The following NCOR2 variants were observed in gnomAD, a reference collection of about 807,000 sequenced individuals.
NCOR2 encodes the protein CTG repeat protein 26.
In NCOR2, 81 loss-of-function variants were observed where a neutral mutation model predicts 262.9. The ratio of observed to expected loss-of-function variants is 0.31; its 90% confidence interval spans 0.26 to 0.37. The LOEUF is 0.37. NCOR2 is among the 10% of genes least tolerant of loss of function. NCOR2 has a pLI of 1.00. For synonymous variants in NCOR2, 1,659 were observed against 1,559.3 expected (o/e 1.06, Z -1.51); for missense variants, 3,385 against 3,621.4 (o/e 0.93, Z 1.68).
At chr12:124,412,720 C>T (rs564802768) in intron 13 of NCOR2, among the ~76,000 whole-genome samples, 3 of 152,354 alleles carry the variant, frequency 2.0e-5, no homozygotes, top group East Asian at 1.9e-4. Context: ...CCCCCAGCAC[C>T]GAGGTTCTCA....
At chr12:124,528,914 T>C (rs1291668339) in intron 1 of NCOR2, among the ~76,000 whole-genome samples, 3 of 152,316 alleles carry the variant, frequency 2.0e-5, no homozygotes, top group African/African-American at 7.2e-5. Context: ...GCGCGGTGGC[T>C]CACGCCTGTA....
intron 17 of NCOR2, among the ~76,000 whole-genome samples, chr12:124,384,392 C>G (rs1451336878): frequency 6.6e-6 from 1 of 152,226 alleles, no homozygotes; most frequent in African/African-American, 2.4e-5. Context: ...GCCCTGAGCT[C>G]TGGGGACAAA....
chr12:124,374,562 C>A lies in NCOR2; in HGVS notation c.2168-99G>T. 4 of 1,153,750 alleles carry A rather than the reference C, an allele frequency of 3.5e-6. No individual in the cohort carries two copies. In the South Asian group the frequency reaches 5.3e-5, roughly 15 times the overall value. The allele number at this position is 1,153,750 out of a possible 1,614,324, so 71.5% of individuals were successfully genotyped here. On this transcript the variant is annotated intron_variant, in intron 18 of 46. Transcript: ENST00000405201. The stretch of plus-strand genomic sequence containing the variant: ...GCCAAGAGGGGCCTGAAGCCCAGTG[C>A]ACAGCAGTGAGGCCTCGCTGCTGCT...
chr12:124,483,886 C>T lies in NCOR2; in HGVS notation c.234-113G>A, dbSNP rs982559206. On this transcript the variant is annotated intron_variant, in intron 2 of 46. Coordinates refer to ENST00000405201, the Ensembl canonical transcript of NCOR2. The surrounding 1 kb of genome is among the most constrained non-coding windows in gnomAD (Gnocchi z 6.3). Reference sequence around the variant, plus strand: ...TACTGCGCGCCGTGCTCTGTATGATCCTGCCAGGAAGGTGCTCACAGGAGC... The same window carrying T: ...TACTGCGCGCCGTGCTCTGTATGATTCTGCCAGGAAGGTGCTCACAGGAGC... 1 of 1,287,002 alleles carries T rather than the reference C, an allele frequency of 7.8e-7. No individual in the cohort carries two copies. The highest frequency in any genetic ancestry group is 1.5e-5 in the African/African-American group (1 of 65,716). The allele number at this position is 1,287,002 out of a possible 1,614,324, so 79.7% of individuals were successfully genotyped here. A position where few individuals can be genotyped will look rare whatever the true frequency, so the allele number is the denominator to read the frequency against.
rs1277755189 is a variant in NCOR2, at chr12:124,457,151, T to C, written c.717A>G (p.Glu239=). The C allele has an allele frequency of 2.6e-6, 4 of 1,519,056 alleles. No homozygotes were observed. Among genetic ancestry groups the C allele is most frequent in the Middle Eastern group, 1.8e-4 (1 of 5,680 alleles). 94.1% of individuals were successfully genotyped at this position (1,519,056 alleles called of 1,614,324 possible). The change falls in exon 6 of 47, where the codon GAA becomes GAG. Residue 239 remains glutamate (E), a synonymous_variant. Coordinates refer to ENST00000405201, the Ensembl canonical transcript of NCOR2. This position sits in a 1 kb window ranked among gnomAD's most constrained non-coding sequence, Gnocchi z 4.0. ...GGCCTTCCAGAATCCGATGTGCAGC[T>C]TCAGCCTTCTTCTGCAGGGTGATGG...
At chr12:124,340,187 C>CGCTGCTGCG (rs757631453) in exon 37 of NCOR2, 1 of 1,609,366 alleles carries the variant, frequency 6.2e-7, no homozygotes, top group Non-Finnish European at 8.5e-7. Context: ...CCGCTGCTGC[C>CGCTGCTGCG]GCTGCTCTGC....
At chr12:124,556,697 T>C (rs1244671172) in intron 1 of NCOR2, among the ~76,000 whole-genome samples, 1 of 152,036 alleles carries the variant, frequency 6.6e-6, no homozygotes, top group Non-Finnish European at 1.5e-5. Context: ...CCATCTCTAC[T>C]AAAAATACAA....
upstream of NCOR2, chr12:124,535,626 C>T (rs1368022028): frequency 7.9e-5 from 12 of 152,340 alleles, no homozygotes; most frequent in African/African-American, 2.6e-4. Context: ...GGACAAAACA[C>T]GGGTTTTGTT....
intron 12 of NCOR2, among the ~76,000 whole-genome samples, chr12:124,421,709 C>T (rs1441170799): frequency 1.3e-5 from 2 of 152,228 alleles, no homozygotes; most frequent in Non-Finnish European, 2.9e-5. Context: ...GCTTAAGACA[C>T]ACGGACGGCA....
chr12:124,340,058 C>T, exon 37 of NCOR2: 1 of 1,613,014 alleles, frequency 6.2e-7, no homozygotes, highest in East Asian at 2.2e-5. Flanking sequence ...CCCTTCATGC[C>T]TGTGTTGTGA....
At chr12:124,450,798 T>C (rs2045475515) in intron 6 of NCOR2, among the ~76,000 whole-genome samples, 1 of 152,246 alleles carries the variant, frequency 6.6e-6, no homozygotes, top group Admixed American at 6.5e-5. Context: ...AAGTCCCGGT[T>C]CTGATACTTT....
intron 16 of NCOR2, among the ~76,000 whole-genome samples, chr12:124,393,204 T>A (rs999563028): frequency 6.6e-6 from 1 of 151,882 alleles, no homozygotes; most frequent in African/African-American, 2.4e-5. Context: ...GGGAACCGAG[T>A]CCCTCATCCC....
At chr12:124,486,076 G>A (rs1234238244) in intron 2 of NCOR2, among the ~76,000 whole-genome samples, 1 of 152,116 alleles carries the variant, frequency 6.6e-6, no homozygotes, top group Non-Finnish European at 1.5e-5. Context: ...GGTGTCCTCT[G>A]CCAGCTGGAG....
At chr12:124,530,717 C>T (rs889609172) in intron 1 of NCOR2, among the ~76,000 whole-genome samples, 2 of 152,162 alleles carry the variant, frequency 1.3e-5, no homozygotes, top group Non-Finnish European at 2.9e-5. Context: ...GCCTCTCTGC[C>T]CCTCAGTCTC....
chr12:124,389,308 G>C lies in NCOR2; in HGVS notation c.1877-3421C>G, dbSNP rs1003194932. Among the ~76,000 whole-genome samples, 1 of 152,228 alleles carries C rather than the reference G, an allele frequency of 6.6e-6. No individual in the cohort carries two copies. Among genetic ancestry groups the C allele is most frequent in the Non-Finnish European group, 1.5e-5 (1 of 68,042 alleles). ...TGATCTTCTTGCTGCCTGACCCAGC[G>C]AGACGCGGCAGGACTGAATGTGACC... On this transcript the variant is annotated intron_variant, in intron 16 of 46. Transcript: ENST00000405201. The surrounding 1 kb of genome is among the most constrained non-coding windows in gnomAD (Gnocchi z 4.4).
At position 124,332,619 on chromosome 12, in the gene NCOR2, G is replaced by A. The variant is rs542063624; in HGVS notation, c.6756-152C>T. The A allele has an allele frequency of 5.6e-4, 585 of 1,037,000 alleles. 3 individuals carry two copies. The African/African-American group carries it at 8.2e-3, about 15-fold the overall frequency. 64.2% of individuals were successfully genotyped at this position (1,037,000 alleles called of 1,614,324 possible). A position where few individuals can be genotyped will look rare whatever the true frequency, so the allele number is the denominator to read the frequency against. On this transcript the variant is annotated intron_variant, in intron 42 of 46. Transcript: ENST00000405201. ...CATCCCCTGCCTGGTAGAAGATCAC[G>A]GCTCCTGAAATCTCCTCTGCGGTTC...
At chr12:124,450,694 G>A (rs1007363639) in intron 6 of NCOR2, among the ~76,000 whole-genome samples, 5 of 152,348 alleles carry the variant, frequency 3.3e-5, no homozygotes, top group Non-Finnish European at 5.9e-5. Flanking sequence ...AAGCACGGCA[G>A]CATCTGTGAT....
At chr12:124,416,198 C>T (rs559524113) in intron 13 of NCOR2, among the ~76,000 whole-genome samples, 1 of 152,074 alleles carries the variant, frequency 6.6e-6, no homozygotes, top group South Asian at 2.1e-4. Context: ...TGTTATTTAT[C>T]GAGTTTGCAC....
chr12:124,368,217 G>A (rs1236963304), intron 20 of NCOR2, among the ~76,000 whole-genome samples: 2 of 152,208 alleles, frequency 1.3e-5, no homozygotes, highest in African/African-American at 4.8e-5. Context: ...GGGCCGAGTG[G>A]GTCGGGCCAC....
Sources: allele counts gnomAD v4.1 joint callset (sites outside exome capture counted in the v4.1 genomes callset), GRCh38; gene constraint gnomAD v4.1.1; non-coding constraint Gnocchi (gnomAD v3.1); transcripts MANE v1.5; gene names NCBI Gene and HGNC (gene_info 2026-07-23, HGNC 2026-07-21).